MUS81: variants seen among roughly 807,000 people sequenced by gnomAD.
The protein encoded by MUS81 is MUS81 structure-specific endonuclease subunit.
MUS81 carries 69 observed loss-of-function variants against 74.2 expected under a neutral mutation model. The ratio of observed to expected loss-of-function variants is 0.93; its 90% confidence interval spans 0.77 to 1.14. MUS81 has a LOEUF of 1.14. Ranked by LOEUF, MUS81 falls within the 50% of genes most tolerant of loss-of-function variation. MUS81 has a pLI of 0.00. For missense variants in MUS81, 711 were observed against 726.5 expected (o/e 0.98, Z 0.25); for synonymous variants, 303 against 300.6 (o/e 1.01, Z -0.08).
At position 65,865,839 on chromosome 11, in the gene MUS81, A is replaced by G. The variant is rs1859808941; in HGVS notation, c.1534A>G (p.Thr512Ala). The change falls in exon 15 of 16, where the codon ACC (threonine) becomes GCC (alanine). Residue 512 changes from threonine (T) to alanine (A), a missense_variant. Physicochemically the swap from Thr to Ala is moderately conservative, Grantham distance 58. Transcript: ENST00000308110. ...CCTGGCCGCCTATGATGCCTGTGCC[A>G]CCCCCAAGGAACAAGAGACACTGCT... ...SLLAAYDACA[T>A]PKEQETLLST... is the part of the protein sequence containing the mutation. 1 of 1,613,554 alleles carries G rather than the reference A, an allele frequency of 6.2e-7. No homozygotes were observed. The highest frequency in any genetic ancestry group is 1.3e-5 in the African/African-American group (1 of 74,750).
In MUS81 at chr11:65,863,593, A is replaced by G. The variant is rs1357441530; in HGVS notation, c.840-7A>G. ...TCTGATCTAGGCTTCCCTCCTTGCC[A>G]CTCCAGGGGCGGGCACAGGCCGGAG... is the stretch of plus-strand genomic sequence containing the variant. On this transcript the variant is annotated splice_polypyrimidine_tract_variant and splice_region_variant and intron_variant, in intron 8 of 15. Transcript: ENST00000308110. 1.2e-6 allele frequency: 2 copies of G among 1,613,812 alleles called. No individual in the cohort carries two copies. The highest frequency in any genetic ancestry group is 2.7e-5 in the African/African-American group (2 of 74,858).
rs775531547 is a variant in MUS81, at chr11:65,864,501, G to A, written c.1064G>A (p.Arg355Gln). Reference protein sequence around the residue: ...IDGRFREQKFRLKRCGLERRV... With the variant: ...IDGRFREQKFQLKRCGLERRV... ...CCACTCTGTACACTTCCCTAGTTCC[G>A]GCTGAAGCGCTGTGGTCTGGAGCGC... The change falls in exon 11 of 16, where the codon CGG (arginine) becomes CAG (glutamine). Residue 355 changes from arginine to glutamine, a missense_variant. Coordinates refer to ENST00000308110, the MANE Select transcript of MUS81 (RefSeq NM_025128.5). 2.5e-5 allele frequency: 40 copies of A among 1,613,810 alleles called. 1 individual carries two copies. The highest frequency in any genetic ancestry group is 3.3e-4 in the Middle Eastern group (2 of 6,084).
At position 65,866,038 on chromosome 11, in the gene MUS81, G is replaced by C. The variant is rs776978012; in HGVS notation, c.1642G>C (p.Gly548Arg). ...RTLSQLYCSYGPLT is the reference protein window; with the variant it reads ...RTLSQLYCSYRPLT ...CTTATCCCAGCTCTACTGCAGCTAC[G>C]GCCCCTTGACCTGAGCTTATGCCGT... The change falls in exon 16 of 16, where the codon GGC (glycine) becomes CGC (arginine). Residue 548 changes from glycine (G) to arginine (R), a missense_variant. Physicochemically the swap from Gly to Arg is moderately radical, Grantham distance 125. Coordinates refer to ENST00000308110, the MANE Select transcript of MUS81 (RefSeq NM_025128.5). 39 of 1,613,904 alleles carry C rather than the reference G, an allele frequency of 2.4e-5. 1 individual carries two copies. The highest frequency in any genetic ancestry group is 1.9e-5 in the Non-Finnish European group (22 of 1,179,966).
Position 65,863,134 on chromosome 11 carries a change from G to T in MUS81, c.675G>T (p.Leu225=). 3 of 1,614,168 alleles carry T rather than the reference G, an allele frequency of 1.9e-6. No individual in the cohort carries two copies. Among genetic ancestry groups the T allele is most frequent in the Non-Finnish European group, 2.5e-6 (3 of 1,180,018 alleles). ...CCGAGTCAGAAGGCCTGAGCTTGCTGAATGTGGGCATCGGGCCCAAGGAGC... is the reference window on the plus strand; with the variant it reads ...CCGAGTCAGAAGGCCTGAGCTTGCTTAATGTGGGCATCGGGCCCAAGGAGC... ...KLAESEGLSL[L]NVGIGPKEPP... is the part of the protein sequence containing the mutation. The change falls in exon 7 of 16, where the codon CTG becomes CTT. Residue 225 remains leucine, a synonymous_variant. Coordinates refer to ENST00000308110, the MANE Select transcript of MUS81 (RefSeq NM_025128.5).
At chr11:65,867,167 C>T (rs1482557814), downstream of MUS81, 85 of 1,553,842 alleles carry the variant, frequency 5.5e-5, no homozygotes, top group Non-Finnish European at 7.0e-5. Flanking sequence ...GCCCCGTGGC[C>T]GTGAGGCAGA....
At chr11:65,867,247 C>T, downstream of MUS81, 3 of 724,064 alleles carry the variant, frequency 4.1e-6, no homozygotes, top group South Asian at 1.7e-5. Context: ...TGTCTCTCCT[C>T]CCCACCCAGG....
chr11:65,865,750 C>T, intron 14 of MUS81, 61 bp from the exon 15 acceptor site: 1 of 1,543,160 alleles, frequency 6.5e-7, no homozygotes. Context: ...CCTGGCCCCT[C>T]ATGGTGCTGG....
At position 65,865,140 on chromosome 11, in the gene MUS81, AATAAGGTACTGTCTCTGCCT is replaced by A. The variant is rs758734170; in HGVS notation, c.1398_1401+16del. ...TGACTTCAACGCAGGAGCCATCAAGAATAAGGTACTGTCTCTGCCTAGCTTCTCAGACATGGCCTGGCCCA... is the reference window on the plus strand; with the variant it reads ...TGACTTCAACGCAGGAGCCATCAAGAAGCTTCTCAGACATGGCCTGGCCCA... On this transcript the variant is annotated splice_donor_variant and splice_donor_5th_base_variant and coding_sequence_variant and intron_variant, in exon 13 of 16. Coordinates refer to ENST00000308110, the MANE Select transcript of MUS81 (RefSeq NM_025128.5). LOFTEE classifies it high-confidence loss of function. The A allele has an allele frequency of 6.2e-7, 1 of 1,614,172 alleles. No homozygotes were observed.
At chr11:65,863,998 C>A in intron 10 of MUS81, 97 bp downstream of exon 10, 1 of 1,258,414 alleles carries the variant, frequency 7.9e-7, no homozygotes. Context: ...CTCCTTGAGG[C>A]AGAGCCCTTT....
In MUS81 at chr11:65,864,566, C is replaced by A. The variant is rs747674843; in HGVS notation, c.1129C>A (p.Leu377Ile). The A allele has an allele frequency of 3.5e-5, 57 of 1,614,078 alleles. No homozygotes were observed. Among genetic ancestry groups the A allele is most frequent in the Non-Finnish European group, 4.5e-5 (53 of 1,180,050 alleles). ...LVEEHGSVHN[L>I]SLPESTLLQA... is the part of the protein sequence containing the mutation. ...GGAAGAGCATGGTTCCGTCCACAAC[C>A]TCAGCCTTCCTGAGAGCACACTGCT... The change falls in exon 11 of 16, where the codon CTC (leucine) becomes ATC (isoleucine). Residue 377 changes from leucine to isoleucine, a missense_variant. Transcript: ENST00000308110.
rs1454904780 is a variant in MUS81, at chr11:65,866,050, T to C, written c.1654T>C (p.Ter552ArgextTer32). The part of the protein sequence containing the change: ...QLYCSYGPLT[*>R] Reference sequence around the variant, plus strand: ...CTACTGCAGCTACGGCCCCTTGACCTGAGCTTATGCCGTGAAACAGCCCCC... The same window carrying C: ...CTACTGCAGCTACGGCCCCTTGACCCGAGCTTATGCCGTGAAACAGCCCCC... Residue 552 changes from the stop codon to arginine, a stop_lost, in exon 16 of 16, where the codon TGA becomes CGA. Coordinates refer to ENST00000308110, the MANE Select transcript of MUS81 (RefSeq NM_025128.5). The C allele has an allele frequency of 1.2e-6, 2 of 1,613,850 alleles. No homozygotes were observed. Among genetic ancestry groups the C allele is most frequent in the East Asian group, 2.2e-5 (1 of 44,876 alleles).
intron 10 of MUS81, 90 bp from the exon 11 acceptor site, chr11:65,864,407 C>A: frequency 1.7e-6 from 2 of 1,199,102 alleles, no homozygotes; most frequent in Middle Eastern, 2.1e-4. Flanking sequence ...GGAACAGGGT[C>A]CCGGCACCAT....
chr11:65,866,697 A>G (rs1393494060), downstream of MUS81: 5 of 714,104 alleles, frequency 7.0e-6, no homozygotes, highest in Non-Finnish European at 7.6e-6. Context: ...GCTCCTGTCA[A>G]TGGGGGCCCC....
In MUS81 at chr11:65,861,899, A is replaced by G. The variant is rs573369127; in HGVS notation, c.352-48A>G. On this transcript the variant is annotated intron_variant, in intron 3 of 15. Transcript: ENST00000308110. ...ACAAAGCCTGCTGGGGACTTATTCAAAGATGACTGGCTGGCTTTCATGTTC... is the reference window on the plus strand; with the variant it reads ...ACAAAGCCTGCTGGGGACTTATTCAGAGATGACTGGCTGGCTTTCATGTTC... 1.6e-5 allele frequency: 23 copies of G among 1,482,984 alleles called. No homozygotes were observed. The East Asian group carries it at 4.8e-4, about 31-fold the overall frequency. The allele number at this position is 1,482,984 out of a possible 1,614,324, so 91.9% of individuals were successfully genotyped here.
At chr11:65,862,931 G>A (rs1859667875) in intron 6 of MUS81, 134 bp from the exon 7 acceptor site, 3 of 1,098,418 alleles carry the variant, frequency 2.7e-6, no homozygotes, top group Non-Finnish European at 2.7e-6. Flanking sequence ...AAGACCAGGA[G>A]GAGCAGGAGC....
chr11:65,865,394 C>A, intron 14 of MUS81, 71 bp downstream of exon 14: 1 of 1,456,106 alleles, frequency 6.9e-7, no homozygotes, highest in Non-Finnish European at 9.3e-7. Context: ...TTAATCCATG[C>A]TTCGTGGAGG....
chr11:65,860,787 C>T lies in MUS81; in HGVS notation c.34C>T (p.Pro12Ser), dbSNP rs962881541. 1.3e-6 allele frequency: 2 copies of T among 1,538,710 alleles called. No homozygotes were observed. Among genetic ancestry groups the T allele is most frequent in the Non-Finnish European group, 8.7e-7 (1 of 1,146,512 alleles). ...CCCGGTCCGCCTGGGCCGGAAGCGC[C>T]CGCTGCCTGCCTGTCCCAACCCGCT... Reference protein sequence around the residue: ...AAPVRLGRKRPLPACPNPLFV... With the variant: ...AAPVRLGRKRSLPACPNPLFV... Residue 12 changes from proline (P) to serine (S), a missense_variant, in exon 1 of 16, where the codon CCG (proline) becomes TCG (serine). Physicochemically the swap from Pro to Ser is moderately conservative, Grantham distance 74 (BLOSUM62 -1). Coordinates refer to ENST00000308110, the MANE Select transcript of MUS81 (RefSeq NM_025128.5).
intron 8 of MUS81, 35 bp from the exon 9 acceptor site, chr11:65,863,565 T>C (rs1361973910): frequency 6.2e-7 from 1 of 1,613,840 alleles, no homozygotes; most frequent in Admixed American, 1.7e-5. Flanking sequence ...GGCACTGCCC[T>C]GCTCTGATCT....
chr11:65,860,052 C>A, upstream of MUS81: 1 of 276,942 alleles, frequency 3.6e-6, no homozygotes, highest in Non-Finnish European at 7.7e-6. Flanking sequence ...CTTCTCGGCA[C>A]GTCCCCGACT....
Sources: gnomAD v4.1 joint callset for allele counts on GRCh38, gnomAD v4.1.1 for gene constraint, MANE v1.5 for transcripts, NCBI Gene and HGNC (gene_info 2026-07-23, HGNC 2026-07-21) for gene names.